The following SAMD12 variants were observed in gnomAD, a reference collection of about 807,000 sequenced individuals.
The protein encoded by SAMD12 is sterile alpha motif domain containing 12.
SAMD12 carries 9 observed loss-of-function variants against 15.0 expected under a neutral mutation model. The observed-to-expected ratio is 0.60, with a 90% CI of 0.36 to 1.05. The LOEUF (loss-of-function observed/expected upper bound fraction) is 1.05. SAMD12 is among the 50% of genes least tolerant of loss of function. SAMD12 has a pLI of 0.01. For missense variants in SAMD12, 230 were observed against 234.2 expected (o/e 0.98, Z 0.12); for synonymous variants, 86 against 90.1 (o/e 0.96, Z 0.25).
At chr8:118,426,439 T>C (rs1050108311) in intron 3 of SAMD12, among the ~76,000 whole-genome samples, 2 of 152,152 alleles carry the variant, frequency 1.3e-5, no homozygotes, top group Admixed American at 6.5e-5. Flanking sequence ...TGGACAGGCA[T>C]CACATGTACT....
intron 4 of SAMD12, among the ~76,000 whole-genome samples, chr8:118,289,968 T>C (rs1470661067): frequency 6.6e-6 from 1 of 152,178 alleles, no homozygotes; most frequent in Non-Finnish European, 1.5e-5. Flanking sequence ...TCAAGAGAGA[T>C]ATCTTCTGAG....
intron 3 of SAMD12, chr8:118,394,762 T>C (rs753524746): frequency 3.3e-5 from 5 of 152,214 alleles, no homozygotes; most frequent in Non-Finnish European, 7.3e-5. Flanking sequence ...GATGGCTTTA[T>C]CCTCTCAGCT....
At chr8:118,617,261 G>T (rs1166362255) in intron 1 of SAMD12, among the ~76,000 whole-genome samples, 1 of 152,258 alleles carries the variant, frequency 6.6e-6, no homozygotes, top group Non-Finnish European at 1.5e-5. Flanking sequence ...GCAAAGCCCA[G>T]TGTTTACCGT....
chr8:118,502,500 GA>G (rs1360134112), intron 2 of SAMD12, among the ~76,000 whole-genome samples: 2 of 152,296 alleles, frequency 1.3e-5, no homozygotes, highest in East Asian at 3.9e-4. Flanking sequence ...AGGTGTTAAT[GA>G]AATAGAAATG....
At chr8:118,613,917 T>C (rs141039978) in intron 1 of SAMD12, among the ~76,000 whole-genome samples, 3 of 152,314 alleles carry the variant, frequency 2.0e-5, no homozygotes, top group Admixed American at 1.3e-4. Context: ...GATGAGTCTT[T>C]AGTGAATATA....
chr8:118,605,599 G>A (rs970551858), intron 1 of SAMD12, among the ~76,000 whole-genome samples: 1 of 151,826 alleles, frequency 6.6e-6, no homozygotes, highest in African/African-American at 2.4e-5. Flanking sequence ...AATCTTCTAG[G>A]CCTCAATTTT....
intron 4 of SAMD12, among the ~76,000 whole-genome samples, chr8:118,227,097 C>T (rs894830926): frequency 1.3e-5 from 2 of 152,018 alleles, no homozygotes; most frequent in Non-Finnish European, 2.9e-5. Flanking sequence ...TTCACAATAG[C>T]AAGACATGGA....
intron 2 of SAMD12, among the ~76,000 whole-genome samples, chr8:118,517,803 GCAACT>G (rs945779157): frequency 6.6e-6 from 1 of 152,170 alleles, no homozygotes; most frequent in African/African-American, 2.4e-5. Context: ...AATTTTGGTT[GCAACT>G]CAGCCACCTC....
intron 2 of SAMD12, among the ~76,000 whole-genome samples, chr8:118,453,178 T>C (rs2130919727): frequency 6.6e-6 from 1 of 152,344 alleles, no homozygotes; most frequent in East Asian, 1.9e-4. Context: ...TTATATATTG[T>C]CAAGGTTAAC....
At chr8:118,596,332 C>T (rs1741946014) in intron 1 of SAMD12, among the ~76,000 whole-genome samples, 2 of 152,176 alleles carry the variant, frequency 1.3e-5, no homozygotes, top group South Asian at 4.1e-4. Context: ...AAGACTGAGA[C>T]AAGGAGGCTG....
chr8:118,372,710 G>GA (rs1009252375), intron 4 of SAMD12, among the ~76,000 whole-genome samples: 1 of 152,030 alleles, frequency 6.6e-6, no homozygotes, highest in African/African-American at 2.4e-5. Context: ...ACAGCTGGGG[G>GA]ATGGATACAC....
intron 2 of SAMD12, among the ~76,000 whole-genome samples, chr8:118,479,594 G>A (rs964492358): frequency 1.3e-5 from 2 of 152,108 alleles, no homozygotes; most frequent in Non-Finnish European, 2.9e-5. Context: ...AACTCAAGAT[G>A]AGATTTGGGT....
intron 4 of SAMD12, among the ~76,000 whole-genome samples, chr8:118,307,584 T>A (rs1427738139): frequency 1.3e-5 from 2 of 152,220 alleles, no homozygotes; most frequent in Non-Finnish European, 2.9e-5. Context: ...AGACATCAAC[T>A]TAGTTTATGC....
intron 4 of SAMD12, among the ~76,000 whole-genome samples, chr8:118,368,014 C>A (rs117983925): frequency 7.7e-4 from 118 of 152,304 alleles, no homozygotes; most frequent in Non-Finnish European, 1.3e-3. Flanking sequence ...ATTCTAACTG[C>A]TACTGATAAA....
chr8:118,494,009 G>T (rs1228736167), intron 2 of SAMD12, among the ~76,000 whole-genome samples: 1 of 152,132 alleles, frequency 6.6e-6, no homozygotes, highest in Admixed American at 6.6e-5. Context: ...CTCGAAAGCT[G>T]GTGCCATGGT....
intron 2 of SAMD12, among the ~76,000 whole-genome samples, chr8:118,531,662 C>G (rs2131120517): frequency 6.6e-6 from 1 of 152,216 alleles, no homozygotes; most frequent in East Asian, 1.9e-4. Flanking sequence ...AAGTTGGATT[C>G]TTAGGTATCT....
chr8:118,563,810 T>C (rs1826774426), intron 2 of SAMD12, among the ~76,000 whole-genome samples: 1 of 152,204 alleles, frequency 6.6e-6, no homozygotes. Context: ...AGTAACCATT[T>C]CTTTTCCCTC....
chr8:118,451,966 C>T (rs1366659736), intron 2 of SAMD12, among the ~76,000 whole-genome samples: 1 of 152,156 alleles, frequency 6.6e-6, no homozygotes, highest in Non-Finnish European at 1.5e-5. Flanking sequence ...TAAGTCCCAA[C>T]TTGTATTCCA....
chr8:118,303,892 G>A (rs1815173849), intron 4 of SAMD12, among the ~76,000 whole-genome samples: 1 of 152,144 alleles, frequency 6.6e-6, no homozygotes. Context: ...AGCCAAGCAG[G>A]CAATGACCTT....
Sources: gnomAD v4.1 joint callset for allele counts (sites outside exome capture counted in the v4.1 genomes callset) on GRCh38, gnomAD v4.1.1 for gene constraint, MANE v1.5 for transcripts, NCBI Gene and HGNC (gene_info 2026-07-23, HGNC 2026-07-21) for gene names.